The following NLRP5 variants were observed in gnomAD, a reference collection of about 807,000 sequenced individuals.
The protein encoded by NLRP5 is NACHT, LRR and PYD domains-containing protein 5.
In NLRP5, 93 loss-of-function variants were observed where a neutral mutation model predicts 113.1. The ratio of observed to expected loss-of-function variants is 0.82; its 90% CI spans 0.70 to 0.98. NLRP5 has a LOEUF of 0.98. Among genes scored for constraint, NLRP5 ranks in the 50% least tolerant of loss-of-function variants. NLRP5 has a pLI of 0.00. For synonymous variants in NLRP5, 751 were observed against 600.7 expected, an observed-to-expected ratio of 1.25 and a Z score of -3.66; for missense variants, 1,808 against 1,514.3, an observed-to-expected ratio of 1.19 and a Z score of -3.22.
At chr19:56,036,018 C>G (rs75027437) in intron 9 of NLRP5, among the ~76,000 whole-genome samples, 3 of 148,018 alleles carry the variant, frequency 2.0e-5, no homozygotes, top group African/African-American at 5.0e-5. Flanking sequence ...TGTAGTACTA[C>G]GACATGTTCC....
At chr19:56,004,458 A>C (rs1055683709) in intron 2 of NLRP5, among the ~76,000 whole-genome samples, 1 of 152,138 alleles carries the variant, frequency 6.6e-6, no homozygotes, top group African/African-American at 2.4e-5. Context: ...GGAACAGGAA[A>C]TGTGTTACTG....
In NLRP5 at chr19:56,058,148, A is replaced by G. The variant is rs920068717; in HGVS notation, c.3300-92A>G. The G allele has an allele frequency of 1.5e-5, 15 of 998,964 alleles. No individual in the cohort carries two copies. In the African/African-American group the frequency reaches 2.0e-4, roughly 13 times the overall value. The allele number at this position is 998,964 out of a possible 1,614,324, so 61.9% of individuals were successfully genotyped here. ...GTTTTTGTTTTGTTTTGTTTTCCCA[A>G]AGAAAAAGTATCAAGGTGAAATTCA... On this transcript the variant is annotated intron_variant, in intron 13 of 14. Transcript: ENST00000390649.
In NLRP5 at chr19:56,050,489, T is replaced by C; in HGVS notation, c.3029T>C (p.Leu1010Pro). The change falls in exon 12 of 15, where the codon CTG becomes CCG. Residue 1010 changes from leucine to proline, a missense_variant. Coordinates refer to ENST00000390649, the MANE Select transcript of NLRP5 (RefSeq NM_153447.4). ...CTTGCGCTTATGGGTAACTCATGGC[T>C]GACGCACCTGAGCCTTAGCATGAAC... 2.5e-6 allele frequency: 4 copies of C among 1,613,908 alleles called. No individual in the cohort carries two copies. Among genetic ancestry groups the C allele is most frequent in the Non-Finnish European group, 3.4e-6 (4 of 1,179,846 alleles).
intron 3 of NLRP5, among the ~76,000 whole-genome samples, chr19:56,014,864 G>A (rs917289730): frequency 2.6e-5 from 4 of 152,136 alleles, no homozygotes; most frequent in African/African-American, 9.7e-5. Context: ...TTGACTTCAA[G>A]ATAGATTGGC....
chr19:56,053,911 G>C, intron 13 of NLRP5, 103 bp downstream of exon 13: 1 of 1,079,102 alleles, frequency 9.3e-7, no homozygotes, highest in Non-Finnish European at 1.4e-6. Flanking sequence ...GTTTCCATGA[G>C]TCCCTCAAGT....
the NLRP5 span, among the ~76,000 whole-genome samples, chr19:55,993,842 A>G: frequency 0.021 from 3,192 of 151,114 alleles, 68 homozygotes; most frequent in Admixed American, 0.065. Flanking sequence ...TGAAGGCTGA[A>G]ACATGTTCCC....
chr19:56,042,758 C>T (rs923513330), intron 11 of NLRP5, among the ~76,000 whole-genome samples: 1 of 152,222 alleles, frequency 6.6e-6, no homozygotes, highest in Admixed American at 6.5e-5. Flanking sequence ...CCCTCCCATT[C>T]TTCCCCCAAA....
the NLRP5 span, among the ~76,000 whole-genome samples, chr19:55,991,626 C>T: frequency 1.3e-5 from 2 of 152,254 alleles, no homozygotes; most frequent in South Asian, 2.1e-4. Context: ...TGTGGGATTT[C>T]ATCGTTACAT....
intron 1 of NLRP5, among the ~76,000 whole-genome samples, chr19:56,002,779 T>C (rs1568480485): frequency 6.6e-6 from 1 of 151,666 alleles, no homozygotes; most frequent in Non-Finnish European, 1.5e-5. Flanking sequence ...TCCATGTCCC[T>C]ACAAAGGACA....
Position 56,027,769 on chromosome 19 carries a change from T to A in NLRP5, c.1536T>A (p.Pro512=), listed in dbSNP as rs1568491497. The change falls in exon 7 of 15, where the codon CCT becomes CCA. Residue 512 remains proline, a synonymous_variant. Coordinates refer to ENST00000390649, the MANE Select transcript of NLRP5 (RefSeq NM_153447.4). Reference sequence around the variant, plus strand: ...CTTTTGTGTTTCATCAGCTCACCCCTCGAGGCGTGGTCCGGCGCTGTCTCA... The same window carrying A: ...CTTTTGTGTTTCATCAGCTCACCCCACGAGGCGTGGTCCGGCGCTGTCTCA... The A allele has an allele frequency of 6.2e-7, 1 of 1,613,960 alleles. No individual in the cohort carries two copies. The highest frequency in any genetic ancestry group is 2.2e-5 in the East Asian group (1 of 44,870).
At chr19:56,024,183 C>A (rs1982722792) in intron 6 of NLRP5, among the ~76,000 whole-genome samples, 1 of 151,272 alleles carries the variant, frequency 6.6e-6, no homozygotes, top group Non-Finnish European at 1.5e-5. Context: ...AGGCCCTGTG[C>A]TAATGTTGAA....
intron 2 of NLRP5, among the ~76,000 whole-genome samples, chr19:56,005,642 A>ACGCG (rs147680527): frequency 0.017 from 2,429 of 141,994 alleles, 118 homozygotes; most frequent in African/African-American, 0.062. Context: ...ACACACACAC[A>ACGCG]CGCGCGCAGG....
chr19:55,987,599 G>A, the NLRP5 span, among the ~76,000 whole-genome samples: 1 of 152,122 alleles, frequency 6.6e-6, no homozygotes, highest in East Asian at 1.9e-4. Flanking sequence ...GCTTGCCTGG[G>A]GTAGAAAGCA....
Position 56,015,745 on chromosome 19 carries a change from T to C in NLRP5, c.512T>C (p.Ile171Thr). The C allele has an allele frequency of 6.4e-7, 1 of 1,567,902 alleles. No individual in the cohort carries two copies. Among genetic ancestry groups the C allele is most frequent in the Non-Finnish European group, 8.7e-7 (1 of 1,154,584 alleles). ...TCTTCTCCCTTCTCTTTTGCAGGAA[T>C]TTCACAAGCTGTGCAACAAGATAGT... Residue 171 changes from isoleucine (I) to threonine (T), a missense_variant, in exon 4 of 15, where the codon ATT (isoleucine) becomes ACT (threonine). Transcript: ENST00000390649.
upstream of NLRP5, among the ~76,000 whole-genome samples, chr19:55,995,299 G>A (rs898684082): frequency 3.9e-5 from 6 of 152,230 alleles, no homozygotes; most frequent in African/African-American, 1.4e-4. Flanking sequence ...CATGGCACAT[G>A]TATACCTGTG....
At position 56,028,088 on chromosome 19, in the gene NLRP5, A is replaced by G. The variant is rs1354809366; in HGVS notation, c.1855A>G (p.Met619Val). The G allele has an allele frequency of 3.1e-6, 5 of 1,613,932 alleles. No individual in the cohort carries two copies. The highest frequency in any genetic ancestry group is 1.7e-5 in the Admixed American group (1 of 60,012). ...GTACGTTGAGAAGACAAAGAGGTCC[A>G]TGGAGCTTAAACAGGCAGGCTTCCA... The change falls in exon 7 of 15, where the codon ATG (methionine) becomes GTG (valine). Residue 619 changes from methionine (M) to valine (V), a missense_variant. Transcript: ENST00000390649.
At chr19:56,055,933 G>A (rs753032150) in intron 13 of NLRP5, among the ~76,000 whole-genome samples, 72 of 152,056 alleles carry the variant, frequency 4.7e-4, no homozygotes, top group Non-Finnish European at 7.8e-4. Context: ...TCACTGAACC[G>A]CACTCTCCAC....
chr19:56,050,107 C>T (rs1052728103), intron 11 of NLRP5, among the ~76,000 whole-genome samples: 26 of 151,746 alleles, frequency 1.7e-4, no homozygotes, highest in African/African-American at 5.8e-4. Flanking sequence ...TCGTAAAACC[C>T]CATCTCTACT....
intron 4 of NLRP5, among the ~76,000 whole-genome samples, chr19:56,018,957 C>A (rs1023272423): frequency 1.3e-5 from 2 of 152,118 alleles, no homozygotes; most frequent in African/African-American, 4.8e-5. Flanking sequence ...CCATCCCTGG[C>A]TAACTTTTTG....
Sources: allele counts gnomAD v4.1 joint callset (sites outside exome capture counted in the v4.1 genomes callset), GRCh38; gene constraint gnomAD v4.1.1; transcripts MANE v1.5; gene names NCBI Gene and HGNC (gene_info 2026-07-23, HGNC 2026-07-21).